SORBS2: variants seen among roughly 807,000 people sequenced by gnomAD.
SORBS2 encodes sorbin and SH3 domain-containing protein 2.
In SORBS2, 46 loss-of-function variants were observed where a neutral mutation model predicts 97.7. The ratio of observed to expected loss-of-function variants is 0.47; its 90% confidence interval spans 0.37 to 0.60. The LOEUF is 0.60. SORBS2 is among the 20% of genes least tolerant of loss of function. The probability of loss-of-function intolerance (pLI) is 0.00; values close to 1 mark genes in which losing one functional copy is unlikely to be tolerated. For missense variants in SORBS2, 1,316 were observed against 1,282.3 expected (o/e 1.03, Z -0.40); for synonymous variants, 476 against 473.4 (o/e 1.01, Z -0.07).
At chr4:185,825,110 A>G (rs556791466) in intron 1 of SORBS2, among the ~76,000 whole-genome samples, 1 of 152,304 alleles carries the variant, frequency 6.6e-6, no homozygotes, top group Admixed American at 6.5e-5. Context: ...TCAGACCACC[A>G]GTAATCTAAA....
chr4:185,946,001 T>C (rs984576253), intron 1 of SORBS2, among the ~76,000 whole-genome samples: 5 of 152,160 alleles, frequency 3.3e-5, no homozygotes, highest in African/African-American at 1.2e-4. Flanking sequence ...GACTTTGTAA[T>C]CCATGAGCAA....
At chr4:185,605,672 C>T (rs2096398905) in intron 12 of SORBS2, among the ~76,000 whole-genome samples, 1 of 151,936 alleles carries the variant, frequency 6.6e-6, no homozygotes, top group Non-Finnish European at 1.5e-5. Context: ...ACAACCTCCT[C>T]CTCCCGGGTT....
At chr4:185,742,740 A>G (rs186106959) in intron 2 of SORBS2, among the ~76,000 whole-genome samples, 1,643 of 152,342 alleles carry the variant, frequency 0.011, 19 homozygotes, top group Non-Finnish European at 0.016. Flanking sequence ...AAAAGGAGAG[A>G]AAATGTAGGA....
chr4:185,815,654 C>CAT (rs2099192879), intron 1 of SORBS2, among the ~76,000 whole-genome samples: 1 of 151,898 alleles, frequency 6.6e-6, no homozygotes, highest in Admixed American at 6.6e-5. Flanking sequence ...TACGCACACA[C>CAT]ATATATATGG....
exon 7 of SORBS2, chr4:185,624,443 T>C: frequency 1.2e-6 from 2 of 1,613,920 alleles, no homozygotes. Flanking sequence ...GGGGTTGCCG[T>C]TGAGCCCTGA....
chr4:185,724,457 T>C (rs750274804), intron 2 of SORBS2, among the ~76,000 whole-genome samples: 2 of 152,164 alleles, frequency 1.3e-5, no homozygotes, highest in Non-Finnish European at 2.9e-5. Flanking sequence ...AACAGTATCC[T>C]ATGGGCCAAC....
At chr4:185,685,675 GCA>G (rs1044126823) in intron 2 of SORBS2, among the ~76,000 whole-genome samples, 2 of 152,066 alleles carry the variant, frequency 1.3e-5, no homozygotes, top group African/African-American at 2.4e-5. Context: ...AGGACCACAG[GCA>G]CACACCGGCT....
At chr4:185,875,656 C>G (rs1485527380) in intron 1 of SORBS2, among the ~76,000 whole-genome samples, 1 of 152,268 alleles carries the variant, frequency 6.6e-6, no homozygotes, top group African/African-American at 2.4e-5. Flanking sequence ...AGTCTCCCTC[C>G]TGGCCCTGGC....
At chr4:185,900,228 CA>C (rs1328570916) in intron 1 of SORBS2, among the ~76,000 whole-genome samples, 2 of 152,130 alleles carry the variant, frequency 1.3e-5, no homozygotes, top group African/African-American at 4.8e-5. Context: ...GTACATAGGA[CA>C]AATAAGTTAC....
intron 1 of SORBS2, among the ~76,000 whole-genome samples, chr4:185,818,525 T>C (rs760616579): frequency 6.6e-6 from 1 of 152,150 alleles, no homozygotes; most frequent in Non-Finnish European, 1.5e-5. Context: ...GGCATCCTAA[T>C]TGCCAGATCA....
intron 2 of SORBS2, among the ~76,000 whole-genome samples, chr4:185,740,928 C>T (rs569238127): frequency 6.6e-6 from 1 of 152,066 alleles, no homozygotes; most frequent in Admixed American, 6.6e-5. Context: ...CCAGCACCAA[C>T]TCAAACCAGC....
At chr4:185,717,480 T>C (rs1177534382) in intron 2 of SORBS2, among the ~76,000 whole-genome samples, 1 of 152,230 alleles carries the variant, frequency 6.6e-6, no homozygotes, top group African/African-American at 2.4e-5. Flanking sequence ...TATTTGCTTC[T>C]TCAAATTGAG....
chr4:185,663,364 T>C (rs1180823990), intron 4 of SORBS2, among the ~76,000 whole-genome samples: 1 of 152,256 alleles, frequency 6.6e-6, no homozygotes, highest in Non-Finnish European at 1.5e-5. Flanking sequence ...GGTTTTCAAA[T>C]GACCTAGAAT....
At chr4:185,821,864 T>C (rs573777208) in intron 1 of SORBS2, among the ~76,000 whole-genome samples, 4 of 152,356 alleles carry the variant, frequency 2.6e-5, no homozygotes, top group Admixed American at 1.3e-4. Flanking sequence ...TTATTAGTCG[T>C]CATTATTACG....
intron 2 of SORBS2, among the ~76,000 whole-genome samples, chr4:185,720,666 T>G (rs917550053): frequency 2.6e-5 from 4 of 152,216 alleles, no homozygotes; most frequent in Admixed American, 2.0e-4. Context: ...GTGAAAACTG[T>G]GCCAGGTGCT....
At chr4:185,945,827 C>T (rs935248498) in intron 1 of SORBS2, among the ~76,000 whole-genome samples, 11 of 151,940 alleles carry the variant, frequency 7.2e-5, no homozygotes, top group Non-Finnish European at 7.4e-5. Context: ...GGCTTCGGGC[C>T]GGAGTAAGAA....
At chr4:185,865,053 C>T (rs1430212257) in intron 1 of SORBS2, among the ~76,000 whole-genome samples, 1 of 152,144 alleles carries the variant, frequency 6.6e-6, no homozygotes, top group Admixed American at 6.5e-5. Context: ...CCGCCTGGTC[C>T]ATATTCTTGC....
intron 2 of SORBS2, 104 bp from the exon 6 acceptor site, chr4:185,678,926 T>C: frequency 1.7e-6 from 1 of 593,176 alleles, no homozygotes; most frequent in East Asian, 3.4e-5. Context: ...TTGCAAACAT[T>C]ATTTCAGTTT....
At chr4:185,878,307 T>C (rs2099234819) in intron 1 of SORBS2, among the ~76,000 whole-genome samples, 1 of 152,208 alleles carries the variant, frequency 6.6e-6, no homozygotes, top group South Asian at 2.1e-4. Context: ...TGAAAAGCAA[T>C]ACATTTTGTA....
Sources: gnomAD v4.1 joint callset for allele counts (sites outside exome capture counted in the v4.1 genomes callset) on GRCh38, gnomAD v4.1.1 for gene constraint, MANE v1.5 for transcripts, NCBI Gene and HGNC (gene_info 2026-07-23, HGNC 2026-07-21) for gene names.